Variants in SGCZ observed in about 807,000 individuals in gnomAD.
SGCZ encodes sarcoglycan zeta, also known as zeta-sarcoglycan.
Under a neutral mutation model 41.3 loss-of-function variants are expected in SGCZ, and 40 were observed. The ratio of observed to expected loss-of-function variants is 0.97; its 90% CI spans 0.75 to 1.26. SGCZ has a LOEUF of 1.26. Ranked by LOEUF, SGCZ falls within the 50% of genes most tolerant of loss-of-function variation. The pLI, the probability that SGCZ is intolerant of heterozygous loss-of-function variation, is 0.00. For synonymous variants in SGCZ, 206 were observed against 137.5 expected, an observed-to-expected ratio of 1.50 and a Z score of -3.49; for missense variants, 552 against 369.8, an observed-to-expected ratio of 1.49 and a Z score of -4.04.
At chr8:14,241,849 T>C (rs1798904134) in intron 3 of SGCZ, among the ~76,000 whole-genome samples, 1 of 152,238 alleles carries the variant, frequency 6.6e-6, no homozygotes, top group Non-Finnish European at 1.5e-5. Context: ...ATAAAAATAA[T>C]GAAATATGTT....
intron 1 of SGCZ, among the ~76,000 whole-genome samples, chr8:14,943,094 A>C (rs1800329981): frequency 6.6e-6 from 1 of 152,176 alleles, no homozygotes; most frequent in African/African-American, 2.4e-5. Context: ...TAGAACTCAC[A>C]GAATATACAA....
chr8:14,261,846 C>T (rs1219992369), intron 3 of SGCZ, among the ~76,000 whole-genome samples: 2 of 152,050 alleles, frequency 1.3e-5, no homozygotes, highest in African/African-American at 4.8e-5. Context: ...ACTAACTGGG[C>T]ATTTGAAGAC....
At chr8:15,031,361 C>T (rs1400969652) in intron 1 of SGCZ, among the ~76,000 whole-genome samples, 4 of 152,274 alleles carry the variant, frequency 2.6e-5, no homozygotes, top group African/African-American at 4.8e-5. Context: ...GTGTCTGCCA[C>T]TCATCAGGCA....
chr8:14,297,984 C>A (rs1363410223), intron 3 of SGCZ, among the ~76,000 whole-genome samples: 4 of 151,660 alleles, frequency 2.6e-5, no homozygotes, highest in Admixed American at 1.3e-4. Context: ...AACAAAACGG[C>A]CCTAGCAATA....
intron 3 of SGCZ, among the ~76,000 whole-genome samples, chr8:14,239,958 T>A (rs542846739): frequency 7.1e-6 from 1 of 140,238 alleles, no homozygotes; most frequent in Non-Finnish European, 1.5e-5. Flanking sequence ...TTATTACACA[T>A]GTTAAAATAG....
At chr8:14,980,862 T>C (rs1387610217) in intron 1 of SGCZ, among the ~76,000 whole-genome samples, 3 of 151,964 alleles carry the variant, frequency 2.0e-5, no homozygotes, top group African/African-American at 7.3e-5. Flanking sequence ...TCTCTATCTA[T>C]CTTTTATCTA....
chr8:14,346,266 A>T (rs994682283), intron 2 of SGCZ, among the ~76,000 whole-genome samples: 11 of 152,050 alleles, frequency 7.2e-5, no homozygotes, highest in African/African-American at 2.7e-4. Context: ...AAACTCCTCA[A>T]AAAGTAAAAT....
At chr8:14,930,625 G>A (rs962150342) in intron 1 of SGCZ, among the ~76,000 whole-genome samples, 2 of 151,956 alleles carry the variant, frequency 1.3e-5, no homozygotes. Flanking sequence ...AGAAAATGTG[G>A]CACATATACA....
At chr8:14,350,288 T>C (rs571776103) in intron 2 of SGCZ, among the ~76,000 whole-genome samples, 7 of 151,998 alleles carry the variant, frequency 4.6e-5, no homozygotes, top group African/African-American at 7.2e-5. Flanking sequence ...GTCCTGAAGA[T>C]CTGGGGATAT....
At chr8:14,231,203 G>C (rs1192183836) in intron 4 of SGCZ, among the ~76,000 whole-genome samples, 2 of 143,988 alleles carry the variant, frequency 1.4e-5, no homozygotes, top group East Asian at 2.0e-4. Context: ...GTGTAGTGGG[G>C]AGAGAGAGGG....
At chr8:14,312,428 G>A (rs888620586) in intron 3 of SGCZ, among the ~76,000 whole-genome samples, 2 of 152,072 alleles carry the variant, frequency 1.3e-5, no homozygotes, top group East Asian at 3.9e-4. Flanking sequence ...TTCGGGTAGT[G>A]AAAGAATATA....
At chr8:14,138,109 C>A (rs1185845362) in intron 5 of SGCZ, among the ~76,000 whole-genome samples, 1 of 152,128 alleles carries the variant, frequency 6.6e-6, no homozygotes, top group Non-Finnish European at 1.5e-5. Context: ...GAAATGAAAT[C>A]CTTTACAGAC....
intron 3 of SGCZ, among the ~76,000 whole-genome samples, chr8:14,260,175 G>C (rs1799605813): frequency 6.6e-6 from 1 of 151,908 alleles, no homozygotes; most frequent in Non-Finnish European, 1.5e-5. Flanking sequence ...CAGAATGGGA[G>C]AAAATTTTCG....
At chr8:14,900,244 G>A (rs1195521408) in intron 1 of SGCZ, among the ~76,000 whole-genome samples, 1 of 152,110 alleles carries the variant, frequency 6.6e-6, no homozygotes, top group Non-Finnish European at 1.5e-5. Context: ...TAAATACTGA[G>A]CATATCTTTA....
At chr8:14,408,397 C>T (rs1386498593) in intron 2 of SGCZ, among the ~76,000 whole-genome samples, 1 of 152,040 alleles carries the variant, frequency 6.6e-6, no homozygotes, top group Non-Finnish European at 1.5e-5. Context: ...ACACTTATTT[C>T]CTCCTCTCGT....
intron 2 of SGCZ, among the ~76,000 whole-genome samples, chr8:14,443,710 A>G (rs1428206537): frequency 6.6e-6 from 1 of 152,232 alleles, no homozygotes; most frequent in African/African-American, 2.4e-5. Flanking sequence ...TAAAAATCCT[A>G]GAAGAAAACC....
At chr8:14,446,953 A>G (rs1308864464) in intron 2 of SGCZ, among the ~76,000 whole-genome samples, 1 of 152,236 alleles carries the variant, frequency 6.6e-6, no homozygotes, top group Non-Finnish European at 1.5e-5. Flanking sequence ...ATATTTTACC[A>G]AAAGATTAAC....
chr8:15,142,453 T>C (rs1798915495), intron 1 of SGCZ, among the ~76,000 whole-genome samples: 1 of 152,110 alleles, frequency 6.6e-6, no homozygotes, highest in East Asian at 1.9e-4. Context: ...AATGTTTCTT[T>C]CAAGTCCTTT....
chr8:14,418,704 T>A (rs1799562134), intron 2 of SGCZ, among the ~76,000 whole-genome samples: 1 of 151,988 alleles, frequency 6.6e-6, no homozygotes, highest in African/African-American at 2.4e-5. Context: ...CCACAATCAA[T>A]TTATATTTTA....
Sources: allele counts gnomAD v4.1 joint callset (sites outside exome capture counted in the v4.1 genomes callset), GRCh38; gene constraint gnomAD v4.1.1; transcripts MANE v1.5; gene names NCBI Gene and HGNC (gene_info 2026-07-23, HGNC 2026-07-21).